CARMIL3: variants seen among roughly 807,000 people sequenced by gnomAD.
The protein encoded by CARMIL3 is capping protein regulator and myosin 1 linker 3.
Under a neutral mutation model 180.8 loss-of-function variants are expected in CARMIL3, and 88 were observed. The observed-to-expected ratio is 0.49, with a 90% CI of 0.41 to 0.58. CARMIL3 has a LOEUF of 0.58. Ranked by LOEUF, CARMIL3 falls within the 20% of genes least tolerant of loss-of-function variation. The probability of loss-of-function intolerance (pLI) is 0.00; values close to 1 mark genes in which losing one functional copy is unlikely to be tolerated. For synonymous variants in CARMIL3, 696 were observed against 714.5 expected (o/e 0.97, Z 0.41); for missense variants, 1,548 against 1,787.0 (o/e 0.87, Z 2.41).
chr14:24,056,389 C>G lies in CARMIL3; in HGVS notation c.861C>G (p.Asp287Glu). ...ALTLSHNPIEDKGFLSLSQQL... is the reference protein window; with the variant it reads ...ALTLSHNPIEEKGFLSLSQQL... The stretch of plus-strand genomic sequence containing the variant: ...CTCTGTCCCACAACCCCATCGAGGA[C>G]AAGGGTGAGCCCCAGCCCTGAATCC... The change falls in exon 11 of 40, where the codon GAC (aspartate) becomes GAG (glutamate). Residue 287 changes from aspartate (D) to glutamate (E), a missense_variant. Asp to Glu is a conservative substitution (Grantham distance 45). Around this residue, in one of 4 missense-constraint regions of CARMIL3, gnomAD observed 578 missense variants for 666.5 expected, o/e 0.87. Transcript: ENST00000342740. The G allele has an allele frequency of 6.2e-7, 1 of 1,612,932 alleles. No individual in the cohort carries two copies. The highest frequency in any genetic ancestry group is 1.3e-5 in the African/African-American group (1 of 74,982).
chr14:24,065,836 T>C, intron 34 of CARMIL3, 86 bp downstream of exon 34: 1 of 1,539,840 alleles, frequency 6.5e-7, no homozygotes, highest in Non-Finnish European at 8.8e-7. Context: ...TCCCTGGTGG[T>C]TCAGTAGAGA....
chr14:24,054,750 GC>G lies in CARMIL3; in HGVS notation c.406del (p.Arg136GlufsTer71), dbSNP rs2035655205. 1 of 1,613,998 alleles carries G rather than the reference GC, an allele frequency of 6.2e-7. No individual in the cohort carries two copies. The highest frequency in any genetic ancestry group is 1.1e-5 in the South Asian group (1 of 91,080). Reference sequence around the variant, plus strand: ...GTGGAAACGCAGACACCCCAGAGGGGCCCCGAGATACATCCCCCAACTCTGA... The same window carrying G: ...GTGGAAACGCAGACACCCCAGAGGGGCCCGAGATACATCCCCCAACTCTGA... ...RRGNADTPEGPRDTSPNSETS... is the reference protein window; with the variant it reads ...RRGNADTPEGXRDTSPNSETS... On this transcript the variant is annotated frameshift_variant, in exon 6 of 40. Transcript: ENST00000342740. LOFTEE classifies it high-confidence loss of function. This position sits in a 1 kb window ranked among gnomAD's most constrained non-coding sequence, Gnocchi z 5.1.
chr14:24,060,756 G>A lies in CARMIL3; in HGVS notation c.2190G>A (p.Ala730=), dbSNP rs755686616. 6.2e-6 allele frequency: 10 copies of A among 1,613,006 alleles called. No homozygotes were observed. Among genetic ancestry groups the A allele is most frequent in the South Asian group, 1.1e-5 (1 of 90,902 alleles). ...DLIKDAKNSR[A]LFPSLYELGH... ...TCAAAGATGCCAAGAACTCCCGGGC[G>A]GTGAGCCCTCCACAGGCTACCCTTC... The change falls in exon 25 of 40, where the codon GCG becomes GCA. Residue 730 remains alanine, a splice_region_variant and synonymous_variant. Transcript: ENST00000342740.
chr14:24,065,037 G>A lies in CARMIL3; in HGVS notation c.3160G>A (p.Gly1054Ser). Reference protein sequence around the residue: ...LPPLQKKRRRGLFHFRRPRSF... With the variant: ...LPPLQKKRRRSLFHFRRPRSF... ...TCCACTCCAGAAGAAGAGGCGCCGG[G>A]GCCTGTTTCACTTTCGCCGGCCCCG... Residue 1054 changes from glycine to serine, a missense_variant, in exon 33 of 40, where the codon GGC becomes AGC. By Grantham distance (56) the Gly-to-Ser change is moderately conservative. Coordinates refer to ENST00000342740, the MANE Select transcript of CARMIL3 (RefSeq NM_138360.4). 6.2e-7 allele frequency: 1 copy of A among 1,609,820 alleles called. No homozygotes were observed. Among genetic ancestry groups the A allele is most frequent in the African/African-American group, 1.3e-5 (1 of 74,734 alleles).
At position 24,059,409 on chromosome 14, in the gene CARMIL3, T is replaced by C; in HGVS notation, c.1766T>C (p.Leu589Pro). The change falls in exon 21 of 40, where the codon CTG becomes CCG. Residue 589 changes from leucine (L) to proline (P), a missense_variant. Physicochemically the swap from Leu to Pro is moderately conservative, Grantham distance 98. Coordinates refer to ENST00000342740, the MANE Select transcript of CARMIL3 (RefSeq NM_138360.4). This position sits in a 1 kb window ranked among gnomAD's most constrained non-coding sequence, Gnocchi z 6.3. Reference sequence around the variant, plus strand: ...ATGGAGGACATCGGGGCCAAGATGCTGTCTAAGGCCCTGCAGATAAACTCC... The same window carrying C: ...ATGGAGGACATCGGGGCCAAGATGCCGTCTAAGGCCCTGCAGATAAACTCC... ...NGMEDIGAKM[L>P]SKALQINSSL... The C allele has an allele frequency of 6.3e-7, 1 of 1,597,144 alleles. No homozygotes were observed. Among genetic ancestry groups the C allele is most frequent in the Non-Finnish European group, 8.5e-7 (1 of 1,171,998 alleles).
chr14:24,057,838 C>T lies in CARMIL3; in HGVS notation c.1176C>T (p.His392=). The T allele has an allele frequency of 1.2e-6, 2 of 1,611,988 alleles. No homozygotes were observed. ...LGALLHGCCS[H]LTYLNLARNS... Reference sequence around the variant, plus strand: ...CCCTGCTCCACGGCTGCTGCTCCCACCTCACCTACCTCAACCTGGCTCGCA... The same window carrying T: ...CCCTGCTCCACGGCTGCTGCTCCCATCTCACCTACCTCAACCTGGCTCGCA... The change falls in exon 15 of 40, where the codon CAC becomes CAT. Residue 392 remains histidine (H), a synonymous_variant. Transcript: ENST00000342740.
chr14:24,055,341 A>T, intron 8 of CARMIL3, 31 bp downstream of exon 8: 3 of 1,611,474 alleles, frequency 1.9e-6, no homozygotes, highest in Non-Finnish European at 2.5e-6. Flanking sequence ...CTCCACCCTC[A>T]AATTCCCAAA....
chr14:24,069,266 C>T lies in CARMIL3; in HGVS notation c.4093+19C>T. 1 of 1,611,848 alleles carries T rather than the reference C, an allele frequency of 6.2e-7. No homozygotes were observed. ...CCCACAGGTGCTGGTGGTGAGAGGG[C>T]AGGTCCCCCCTTCCCACCTATCTGT... On this transcript the variant is annotated intron_variant, in intron 39 of 39. Coordinates refer to ENST00000342740, the MANE Select transcript of CARMIL3 (RefSeq NM_138360.4).
In CARMIL3 at chr14:24,054,743, C is replaced by A. The variant is rs761258891; in HGVS notation, c.395C>A (p.Pro132Gln). The change falls in exon 6 of 40, where the codon CCA (proline) becomes CAA (glutamine). Residue 132 changes from proline to glutamine, a missense_variant. Around this residue, in one of 4 missense-constraint regions of CARMIL3, gnomAD observed 578 missense variants for 666.5 expected, o/e 0.87. Transcript: ENST00000342740. The surrounding 1 kb of genome is among the most constrained non-coding windows in gnomAD (Gnocchi z 5.1). The part of the protein sequence containing the change: ...CLIRRGNADT[P>Q]EGPRDTSPNS... ...ATCCGGCGTGGAAACGCAGACACCCCAGAGGGGCCCCGAGATACATCCCCC... is the reference window on the plus strand; with the variant it reads ...ATCCGGCGTGGAAACGCAGACACCCAAGAGGGGCCCCGAGATACATCCCCC... 6.2e-7 allele frequency: 1 copy of A among 1,614,148 alleles called. No individual in the cohort carries two copies. The highest frequency in any genetic ancestry group is 2.2e-5 in the East Asian group (1 of 44,886).
Position 24,058,547 on chromosome 14 carries a change from A to C in CARMIL3, c.1393-133A>C. On this transcript the variant is annotated intron_variant, in intron 17 of 39. Coordinates refer to ENST00000342740, the MANE Select transcript of CARMIL3 (RefSeq NM_138360.4). The surrounding 1 kb of genome is among the most constrained non-coding windows in gnomAD (Gnocchi z 6.4). ...TCTAGGGAAGGATCTGGTGTGGGGAAAGAGTCTCCCTGATTTTACACCCAG... is the reference window on the plus strand; with the variant it reads ...TCTAGGGAAGGATCTGGTGTGGGGACAGAGTCTCCCTGATTTTACACCCAG... The C allele has an allele frequency of 1.4e-6, 1 of 724,044 alleles. No individual in the cohort carries two copies. The highest frequency in any genetic ancestry group is 2.7e-5 in the East Asian group (1 of 36,952). 44.9% of individuals were successfully genotyped at this position (724,044 alleles called of 1,614,324 possible). A position where few individuals can be genotyped will look rare whatever the true frequency, so the allele number is the denominator to read the frequency against.
In CARMIL3 at chr14:24,065,113, T is replaced by TGCCGG; in HGVS notation, c.3236_3237insGCCGG (p.Pro1081AlafsTer149). On this transcript the variant is annotated frameshift_variant, in exon 33 of 40. Coordinates refer to ENST00000342740, the MANE Select transcript of CARMIL3 (RefSeq NM_138360.4). LOFTEE classifies it high-confidence loss of function. ...GGGTCCCCTACCACTGGACTCCTCC[T>TGCCGG]CCCTCCACCCCCACCCCCTCCCCCG... 2.1e-6 allele frequency: 3 copies of TGCCGG among 1,435,664 alleles called. No individual in the cohort carries two copies. Among genetic ancestry groups the TGCCGG allele is most frequent in the Non-Finnish European group, 2.8e-6 (3 of 1,070,192 alleles). 88.9% of individuals were successfully genotyped at this position (1,435,664 alleles called of 1,614,324 possible).
chr14:24,067,618 C>T (rs545497720), intron 36 of CARMIL3, among the ~76,000 whole-genome samples: 3 of 152,388 alleles, frequency 2.0e-5, no homozygotes, highest in African/African-American at 7.2e-5. Flanking sequence ...CTTGCCTCCT[C>T]CTCCAAGGCC....
intron 36 of CARMIL3, 21 bp downstream of exon 36, chr14:24,066,677 G>C (rs2035790436): frequency 6.2e-7 from 1 of 1,612,590 alleles, no homozygotes. Flanking sequence ...CCTCTTTTCA[G>C]GCAGCAGTAC....
Position 24,054,686 on chromosome 14 carries a change from C to T in CARMIL3, c.363-25C>T. The T allele has an allele frequency of 1.9e-6, 3 of 1,609,040 alleles. No individual in the cohort carries two copies. Among genetic ancestry groups the T allele is most frequent in the Admixed American group, 1.7e-5 (1 of 59,716 alleles). On this transcript the variant is annotated intron_variant, in intron 5 of 39. Coordinates refer to ENST00000342740, the MANE Select transcript of CARMIL3 (RefSeq NM_138360.4). The surrounding 1 kb of genome is among the most constrained non-coding windows in gnomAD (Gnocchi z 5.1). The stretch of plus-strand genomic sequence containing the variant: ...ACTGAGAGCCTCTTTCCAGCCCTCT[C>T]TGGAATGACTTGTTTCTTTTCCAGG...
rs777814191 is a variant in CARMIL3 at position 24,052,224 on chromosome 14, C to T, written c.40+31C>T. 1.1e-4 allele frequency: 172 copies of T among 1,566,846 alleles called. 1 individual carries two copies. The Middle Eastern group carries it at 2.3e-3, about 21-fold the overall frequency. On this transcript the variant is annotated intron_variant, in intron 1 of 39. Transcript: ENST00000342740. The stretch of plus-strand genomic sequence containing the variant: ...AGGCTGCCTCGGTCTCTGGGACGCC[C>T]CGTCCGGGAGCATCCCAGACCCAGC...
At chr14:24,062,102 CAGCT>C in intron 27 of CARMIL3, 1 of 351,264 alleles carries the variant, frequency 2.8e-6, no homozygotes. Flanking sequence ...ACCTATGAAA[CAGCT>C]AGGCCCAAGG....
rs779248351 is a variant in CARMIL3, at chr14:24,068,649, GAGA to G, written c.3751_3753del (p.Lys1251del). ...CCCAGCCTCCCAAGATGGGGAAGAGGAGAAGGAGGGGACCCTCTTCCCAGAGAG... is the reference window on the plus strand; with the variant it reads ...CCCAGCCTCCCAAGATGGGGAAGAGGAGGAGGGGACCCTCTTCCCAGAGAG... On this transcript the variant is annotated inframe_deletion, in exon 37 of 40. Coordinates refer to ENST00000342740, the MANE Select transcript of CARMIL3 (RefSeq NM_138360.4). 1.9e-6 allele frequency: 3 copies of G among 1,613,856 alleles called. No individual in the cohort carries two copies. Among genetic ancestry groups the G allele is most frequent in the South Asian group, 2.2e-5 (2 of 91,048 alleles).
Position 24,063,180 on chromosome 14 carries a change from A to G in CARMIL3, c.2767A>G (p.Ile923Val), listed in dbSNP as rs969629679. Residue 923 changes from isoleucine to valine, a missense_variant, in exon 30 of 40, where the codon ATC (isoleucine) becomes GTC (valine). Transcript: ENST00000342740. ...CAAGATTCGGCCGGTGTCTGCCTTC[A>G]TCAGTGAGTCTCCCAGCCTCCGTTC... ...CRKIRPVSAFISGSPQDMESQ... is the reference protein window; with the variant it reads ...CRKIRPVSAFVSGSPQDMESQ... 1.2e-6 allele frequency: 2 copies of G among 1,612,594 alleles called. No individual in the cohort carries two copies. The highest frequency in any genetic ancestry group is 1.7e-5 in the Admixed American group (1 of 59,970).
chr14:24,062,803 A>G lies in CARMIL3; in HGVS notation c.2663A>G (p.His888Arg), dbSNP rs2035745387. The change falls in exon 29 of 40, where the codon CAT becomes CGT. Residue 888 changes from histidine (H) to arginine (R), a missense_variant. His to Arg is a conservative substitution (Grantham distance 29). Coordinates refer to ENST00000342740, the MANE Select transcript of CARMIL3 (RefSeq NM_138360.4). ...DLSSRGRGRNHDHEETTDDEL... is the reference protein window; with the variant it reads ...DLSSRGRGRNRDHEETTDDEL... Reference sequence around the variant, plus strand: ...TCCTCCCGGGGCCGAGGCCGGAACCATGACCATGAGGAGACCACAGATGAT... The same window carrying G: ...TCCTCCCGGGGCCGAGGCCGGAACCGTGACCATGAGGAGACCACAGATGAT... 1.2e-6 allele frequency: 2 copies of G among 1,613,538 alleles called. No individual in the cohort carries two copies. Among genetic ancestry groups the G allele is most frequent in the South Asian group, 1.1e-5 (1 of 90,982 alleles).
Sources: gnomAD v4.1 joint callset for allele counts (sites outside exome capture counted in the v4.1 genomes callset) on GRCh38, gnomAD v4.1.1 for gene constraint, gnomAD v4.1.1 regional missense constraint, Gnocchi (gnomAD v3.1) non-coding constraint, MANE v1.5 for transcripts, NCBI Gene and HGNC (gene_info 2026-07-23, HGNC 2026-07-21) for gene names.